The following SLC66A1 variants were observed in gnomAD, a reference collection of about 807,000 sequenced individuals.
The protein encoded by SLC66A1 is solute carrier family 66 member 1, also known as lysosomal amino acid transporter 1 homolog.
SLC66A1 carries 23 observed loss-of-function variants against 33.0 expected under a neutral mutation model. The ratio of observed to expected loss-of-function variants is 0.70; its 90% CI spans 0.50 to 0.99. The LOEUF (loss-of-function observed/expected upper bound fraction) is 0.99. Among genes scored for constraint, SLC66A1 ranks in the 50% least tolerant of loss-of-function variants. The probability of loss-of-function intolerance (pLI) is 0.00; values close to 1 mark genes in which losing one functional copy is unlikely to be tolerated. For synonymous variants in SLC66A1, 164 were observed against 175.5 expected, an observed-to-expected ratio of 0.93 and a Z score of 0.52; for missense variants, 335 against 383.6, an observed-to-expected ratio of 0.87 and a Z score of 1.06.
rs2093780767 is a variant in SLC66A1, at chr1:19,312,329, AGCTGGGCCCTGGCG to A, written c.-636_-623del. On this transcript the variant is annotated 5_prime_UTR_variant, in exon 1 of 8. Coordinates refer to ENST00000375153, the MANE Select transcript of SLC66A1 (RefSeq NM_001040125.2). The stretch of plus-strand genomic sequence containing the variant: ...CTGACCCGGCGGGCCTTGACCCAGA[AGCTGGGCCCTGGCG>A]GCGGATCTGGACGTGGTGAGCCGGA... 6.9e-6 allele frequency: 2 copies of A among 288,394 alleles called. No individual in the cohort carries two copies. Among genetic ancestry groups the A allele is most frequent in the East Asian group, 7.3e-5 (1 of 13,638 alleles). 17.9% of individuals were successfully genotyped at this position (288,394 alleles called of 1,614,324 possible).
Position 19,328,771 on chromosome 1 carries a change from C to T in SLC66A1, c.*128C>T, listed in dbSNP as rs533718135. 54 of 1,000,414 alleles carry T rather than the reference C, an allele frequency of 5.4e-5. No individual in the cohort carries two copies. The highest frequency in any genetic ancestry group is 4.8e-4 in the African/African-American group (30 of 62,580). 62.0% of individuals were successfully genotyped at this position (1,000,414 alleles called of 1,614,324 possible). A position where few individuals can be genotyped will look rare whatever the true frequency, so the allele number is the denominator to read the frequency against. On this transcript the variant is annotated 3_prime_UTR_variant, in exon 8 of 8. Coordinates refer to ENST00000375153, the MANE Select transcript of SLC66A1 (RefSeq NM_001040125.2). This position sits in a 1 kb window ranked among gnomAD's most constrained non-coding sequence, Gnocchi z 4.7. ...GGTGGCCTCTGGATCCTCCGTGGAC[C>T]GAACCGTCCCCCCAGGAACACACCT...
chr1:19,314,768 T>A (rs1472770162), intron 1 of SLC66A1, among the ~76,000 whole-genome samples: 2 of 152,180 alleles, frequency 1.3e-5, no homozygotes, highest in African/African-American at 4.8e-5. Context: ...AGCTGCAGCC[T>A]TGTGTTCAGA....
chr1:19,325,440 G>A (rs985114899), intron 3 of SLC66A1, 55 bp from the exon 4 acceptor site: 14 of 1,278,056 alleles, frequency 1.1e-5, no homozygotes, highest in Middle Eastern at 2.3e-4. Context: ...CTGCCGGGGC[G>A]TGGTCTCAGA....
chr1:19,315,426 G>A (rs979826177), intron 1 of SLC66A1, among the ~76,000 whole-genome samples: 1 of 152,232 alleles, frequency 6.6e-6, no homozygotes, highest in Non-Finnish European at 1.5e-5. Context: ...TAGGTCCAGG[G>A]TCTCTGCCCA....
At chr1:19,325,636 T>TGGGGG (rs201929770) in intron 4 of SLC66A1, 54 bp downstream of exon 4, 1 of 374,850 alleles carries the variant, frequency 2.7e-6, no homozygotes, top group Non-Finnish European at 4.8e-6. Flanking sequence ...AGGGGGCAGT[T>TGGGGG]GTGGGGGGGG....
downstream of SLC66A1, among the ~76,000 whole-genome samples, chr1:19,331,138 A>G (rs886203571): frequency 2.0e-5 from 3 of 152,096 alleles, no homozygotes; most frequent in African/African-American, 7.2e-5. Context: ...CAACCTCCCA[A>G]GTAGCTGGGA....
At chr1:19,333,930 A>C (rs946436959), downstream of SLC66A1, among the ~76,000 whole-genome samples, 4 of 89,000 alleles carry the variant, frequency 4.5e-5, no homozygotes, top group South Asian at 3.4e-4. The surrounding 1 kb of genome is among the most constrained non-coding windows in gnomAD (Gnocchi z 4.2). Flanking sequence ...AAACAAAACA[A>C]AACAAAACAC....
At position 19,320,444 on chromosome 1, in the gene SLC66A1, C is replaced by A. The variant is rs185869407; in HGVS notation, c.164+2603C>A. Among the ~76,000 whole-genome samples, 97 of 132,212 alleles carry A rather than the reference C, an allele frequency of 7.3e-4. 4 individuals carry two copies. In the East Asian group the frequency reaches 0.017, roughly 24 times the overall value. The allele number at this position is 132,212 out of a possible 152,430, so 86.7% of individuals were successfully genotyped here. On this transcript the variant is annotated intron_variant, in intron 2 of 7. Coordinates refer to ENST00000375153, the MANE Select transcript of SLC66A1 (RefSeq NM_001040125.2). The stretch of plus-strand genomic sequence containing the variant: ...TTTTTTTTTTTTTTTTTGACAGTCT[C>A]GCTCTGTCGCCCAGGCTGGAGAGCG...
Position 19,327,404 on chromosome 1 carries a change from G to C in SLC66A1, c.796G>C (p.Asp266His). 1 of 1,591,278 alleles carries C rather than the reference G, an allele frequency of 6.3e-7. No individual in the cohort carries two copies. The highest frequency in any genetic ancestry group is 8.6e-7 in the Non-Finnish European group (1 of 1,168,716). ...LVGSLGVLLL[D>H]TIISIQFLVY... ...GGGCAGCCTGGGCGTGCTGCTGCTC[G>C]ACACCATCGTATCCTTCAGGGCGTG... The change falls in exon 7 of 8, where the codon GAC becomes CAC. Residue 266 changes from aspartate to histidine, a missense_variant. Physicochemically the swap from Asp to His is moderately conservative, Grantham distance 81. Transcript: ENST00000375153.
chr1:19,316,630 C>T (rs887383566), intron 1 of SLC66A1, among the ~76,000 whole-genome samples: 5 of 152,014 alleles, frequency 3.3e-5, no homozygotes, highest in African/African-American at 1.2e-4. Context: ...ATCTTTCCCA[C>T]CTCAGCCTCC....
rs1274400786 is a variant in SLC66A1, at chr1:19,325,637, G to T, written c.382+55G>T. 2.9e-5 allele frequency: 22 copies of T among 747,104 alleles called. 1 individual carries two copies. Among genetic ancestry groups the T allele is most frequent in the South Asian group, 1.5e-4 (8 of 54,594 alleles). The allele number at this position is 747,104 out of a possible 1,614,324, so 46.3% of individuals were successfully genotyped here. On this transcript the variant is annotated intron_variant, in intron 4 of 7. Coordinates refer to ENST00000375153, the MANE Select transcript of SLC66A1 (RefSeq NM_001040125.2). ...GCTCTACCAGCAGCAGGGGGCAGTT[G>T]TGGGGGGGGGCGCCTGGAGTGTGGG...
chr1:19,325,821 C>T (rs1465544369), intron 4 of SLC66A1, among the ~76,000 whole-genome samples: 2 of 152,224 alleles, frequency 1.3e-5, no homozygotes, highest in Non-Finnish European at 2.9e-5. Flanking sequence ...CGCCCAGGGG[C>T]TCATTCAGCA....
chr1:19,327,710 A>G (rs977333974), intron 7 of SLC66A1: 4 of 573,614 alleles, frequency 7.0e-6, no homozygotes, highest in South Asian at 4.6e-5. Context: ...GAATTACTTC[A>G]TTGCAGTGGC....
At chr1:19,322,979 T>C (rs1179254258) in intron 2 of SLC66A1, among the ~76,000 whole-genome samples, 1 of 151,928 alleles carries the variant, frequency 6.6e-6, no homozygotes, top group Non-Finnish European at 1.5e-5. Context: ...CCTCTTGGGC[T>C]CAAGTGATCC....
chr1:19,328,904 A>T lies in SLC66A1; in HGVS notation c.*261A>T, dbSNP rs541894458. 612 of 553,898 alleles carry T rather than the reference A, an allele frequency of 1.1e-3. No homozygotes were observed. Among genetic ancestry groups the T allele is most frequent in the Non-Finnish European group, 1.7e-3 (527 of 308,940 alleles). 34.3% of individuals were successfully genotyped at this position (553,898 alleles called of 1,614,324 possible). A position where few individuals can be genotyped will look rare whatever the true frequency, so the allele number is the denominator to read the frequency against. ...ACCACCTACCTCATTCTGCCTACTC[A>T]CCCCAGGGGCCACAGCCACAGCCTG... On this transcript the variant is annotated 3_prime_UTR_variant, in exon 8 of 8. Coordinates refer to ENST00000375153, the MANE Select transcript of SLC66A1 (RefSeq NM_001040125.2). This position sits in a 1 kb window ranked among gnomAD's most constrained non-coding sequence, Gnocchi z 4.7.
chr1:19,328,671 AGGCACCACC>A lies in SLC66A1; in HGVS notation c.*31_*39del. The A allele has an allele frequency of 6.2e-7, 1 of 1,608,446 alleles. No homozygotes were observed. Among genetic ancestry groups the A allele is most frequent in the South Asian group, 1.1e-5 (1 of 90,594 alleles). ...AGAACCAGGCTGAGCGCAGGAGGAC[AGGCACCACC>A]GGATGCCACACCAGGCAGGAGGAGG... On this transcript the variant is annotated 3_prime_UTR_variant, in exon 8 of 8. Coordinates refer to ENST00000375153, the MANE Select transcript of SLC66A1 (RefSeq NM_001040125.2). The surrounding 1 kb of genome is among the most constrained non-coding windows in gnomAD (Gnocchi z 4.7).
intron 2 of SLC66A1, among the ~76,000 whole-genome samples, chr1:19,318,843 GC>G (rs2093819116): frequency 6.6e-6 from 1 of 152,112 alleles, no homozygotes; most frequent in Non-Finnish European, 1.5e-5. Context: ...GGAGGTGTTG[GC>G]CTCTAGGCTA....
downstream of SLC66A1, among the ~76,000 whole-genome samples, chr1:19,332,815 A>C (rs1422255440): frequency 6.6e-6 from 1 of 152,112 alleles, no homozygotes; most frequent in Non-Finnish European, 1.5e-5. Flanking sequence ...CCTGAAGGGA[A>C]AAGTGTGGAC....
In SLC66A1 at chr1:19,319,898, C is replaced by T. The variant is rs541835550; in HGVS notation, c.164+2057C>T. 1.1e-4 allele frequency among the ~76,000 whole-genome samples: 16 copies of T among 149,610 alleles called. 1 individual carries two copies. The highest frequency in any genetic ancestry group is 3.4e-3 in the Middle Eastern group (1 of 292). On this transcript the variant is annotated intron_variant, in intron 2 of 7. Transcript: ENST00000375153. Reference sequence around the variant, plus strand: ...AGCCTGGGGGACAAGAGAGAGTCTCCGTCTCTTTTCTTTTTGAGACAAGGT... The same window carrying T: ...AGCCTGGGGGACAAGAGAGAGTCTCTGTCTCTTTTCTTTTTGAGACAAGGT...
Sources: gnomAD v4.1 joint callset for allele counts (sites outside exome capture counted in the v4.1 genomes callset) on GRCh38, gnomAD v4.1.1 for gene constraint, Gnocchi (gnomAD v3.1) non-coding constraint, MANE v1.5 for transcripts, NCBI Gene and HGNC (gene_info 2026-07-23, HGNC 2026-07-21) for gene names.